The following MRC1 variants were observed in gnomAD, a reference collection of about 807,000 sequenced individuals.
The protein encoded by MRC1 is macrophage mannose receptor 1.
A neutral mutation model predicts 102.9 loss-of-function variants in MRC1; 62 were observed. The observed-to-expected ratio is 0.60, with a 90% CI of 0.49 to 0.74. MRC1 has a LOEUF of 0.74. Ranked by LOEUF, MRC1 falls within the 30% of genes least tolerant of loss-of-function variation. The pLI is 0.00. For missense variants in MRC1, 1,237 were observed against 862.8 expected, an observed-to-expected ratio of 1.43 and a Z score of -5.43; for synonymous variants, 457 against 298.4, an observed-to-expected ratio of 1.53 and a Z score of -5.48.
At chr10:17,869,574 T>C (rs1244920009) in intron 12 of MRC1, among the ~76,000 whole-genome samples, 15 of 152,192 alleles carry the variant, frequency 9.9e-5, no homozygotes, top group Non-Finnish European at 4.4e-5. Flanking sequence ...TTGACTGCAT[T>C]TCACTATTCT....
intron 11 of MRC1, chr10:17,865,612 G>T (rs1229617843): frequency 6.6e-6 from 1 of 152,370 alleles, no homozygotes; most frequent in African/African-American, 2.4e-5. Flanking sequence ...AGGAGGAGTG[G>T]GCAAGGAGCC....
At chr10:17,904,563 G>A (rs1344469922) in intron 26 of MRC1, among the ~76,000 whole-genome samples, 1 of 152,204 alleles carries the variant, frequency 6.6e-6, no homozygotes, top group African/African-American at 2.4e-5. Context: ...TTATCGTGAT[G>A]TGTATACATG....
At chr10:17,857,115 T>C (rs1833104069) in intron 9 of MRC1, among the ~76,000 whole-genome samples, 1 of 152,214 alleles carries the variant, frequency 6.6e-6, no homozygotes, top group Non-Finnish European at 1.5e-5. Flanking sequence ...AGCTGATAAT[T>C]TGGTACTATA....
At chr10:17,898,574 A>T (rs1833786607) in intron 24 of MRC1, among the ~76,000 whole-genome samples, 1 of 152,204 alleles carries the variant, frequency 6.6e-6, no homozygotes, top group Admixed American at 6.5e-5. Context: ...TATTGCTTCC[A>T]AGGTCATGAT....
chr10:17,868,666 G>A lies in MRC1; in HGVS notation c.1984-1580G>A, dbSNP rs1833313273. 3.3e-5 allele frequency among the ~76,000 whole-genome samples: 5 copies of A among 152,278 alleles called. 1 individual carries two copies. The South Asian group carries it at 1.0e-3, about 32-fold the overall frequency. ...TTTGAATGGCATATGGCCATGACAT[G>A]CCCTGTAAGACAGTTTGGCAAGACT... On this transcript the variant is annotated intron_variant, in intron 12 of 29. Coordinates refer to ENST00000569591, the MANE Select transcript of MRC1 (RefSeq NM_002438.4).
rs1240022155 is a variant in MRC1, at chr10:17,891,674, G to T, written c.3148-2536G>T. On this transcript the variant is annotated intron_variant, in intron 22 of 29. Coordinates refer to ENST00000569591, the MANE Select transcript of MRC1 (RefSeq NM_002438.4). ...GAGGTAAATAGACATTTAGTGTGAG[G>T]TTTCATGTTTACTTAGCTACGAATT... Among the ~76,000 whole-genome samples the T allele has an allele frequency of 2.6e-5, 4 of 152,296 alleles. No homozygotes were observed. In the East Asian group the frequency reaches 5.8e-4, roughly 22 times the overall value.
intron 16 of MRC1, among the ~76,000 whole-genome samples, chr10:17,874,740 T>C (rs1180709534): frequency 6.6e-6 from 1 of 152,104 alleles, no homozygotes; most frequent in Non-Finnish European, 1.5e-5. Context: ...TTTCTCATAG[T>C]TCCCACTCCT....
intron 4 of MRC1, among the ~76,000 whole-genome samples, chr10:17,840,197 G>T (rs1262759201): frequency 1.3e-5 from 2 of 151,850 alleles, no homozygotes; most frequent in Non-Finnish European, 2.9e-5. Flanking sequence ...TTGTATTTTT[G>T]ATTTCTTCAC....
intron 8 of MRC1, among the ~76,000 whole-genome samples, chr10:17,855,606 A>C (rs949301292): frequency 1.4e-5 from 2 of 144,834 alleles, no homozygotes; most frequent in Admixed American, 6.9e-5. Flanking sequence ...AAGAGGCTGC[A>C]TGCAAACCTC....
chr10:17,873,705 GA>G, intron 15 of MRC1, 78 bp from the exon 16 acceptor site: 6 of 836,674 alleles, frequency 7.2e-6, no homozygotes, highest in Non-Finnish European at 1.3e-5. Flanking sequence ...ATTGACTCAT[GA>G]AAATAGTGAC....
intron 1 of MRC1, among the ~76,000 whole-genome samples, chr10:17,820,504 G>A (rs944399126): frequency 0.082 from 12,429 of 152,144 alleles, 546 homozygotes; most frequent in South Asian, 0.12. Context: ...ATTTTTGAAC[G>A]CCTTCTCTTA....
intron 21 of MRC1, among the ~76,000 whole-genome samples, chr10:17,882,388 ATGGCTGGTATGT>A (rs1833532865): frequency 1.3e-5 from 2 of 151,948 alleles, no homozygotes; most frequent in South Asian, 2.1e-4. Flanking sequence ...TTACAGAACA[ATGGCTGGTATGT>A]TGGCTGGTAT....
chr10:17,841,602 T>C (rs889216902), intron 5 of MRC1, among the ~76,000 whole-genome samples: 1 of 152,290 alleles, frequency 6.6e-6, no homozygotes, highest in South Asian at 2.1e-4. Flanking sequence ...AGTTTACATA[T>C]TGAGCAACTA....
At chr10:17,902,424 C>T (rs1833840840) in intron 26 of MRC1, among the ~76,000 whole-genome samples, 1 of 127,512 alleles carries the variant, frequency 7.8e-6, no homozygotes, top group South Asian at 2.5e-4. Context: ...GTTGTACTCA[C>T]CTCTTATCAC....
intron 21 of MRC1, among the ~76,000 whole-genome samples, chr10:17,882,406 G>T (rs1448658662): frequency 2.0e-5 from 3 of 151,738 alleles, no homozygotes; most frequent in African/African-American, 7.3e-5. Context: ...TATGTTGGCT[G>T]GTATGTAGTA....
intron 2 of MRC1, among the ~76,000 whole-genome samples, 131 bp from the exon 3 acceptor site, chr10:17,827,388 AAAAAAAAAAAAAAAAAAAAAAAG>A (rs1838495146): frequency 1.6e-5 from 1 of 61,086 alleles, no homozygotes; most frequent in Non-Finnish European, 3.3e-5. Context: ...AAAAAAAAAA[AAAAAAAAAAAAAAAAAAAAAAAG>A]AAATCCCTCT....
chr10:17,816,998 A>C (rs1331264932), intron 1 of MRC1, among the ~76,000 whole-genome samples: 1 of 152,086 alleles, frequency 6.6e-6, no homozygotes, highest in African/African-American at 2.4e-5. Context: ...CTGTAATCCC[A>C]GCACTTTGGG....
At chr10:17,832,276 G>T (rs1231346945) in intron 3 of MRC1, among the ~76,000 whole-genome samples, 1 of 151,430 alleles carries the variant, frequency 6.6e-6, no homozygotes. Context: ...AGGAATTTGG[G>T]CTGGTATCCG....
rs782630448 is a variant in MRC1, at chr10:17,866,545, T to G, written c.1784-17T>G. The G allele has an allele frequency of 2.6e-6, 2 of 780,698 alleles. No individual in the cohort carries two copies. Among genetic ancestry groups the G allele is most frequent in the Non-Finnish European group, 4.8e-6 (2 of 417,958 alleles). 48.4% of individuals were successfully genotyped at this position (780,698 alleles called of 1,614,324 possible). A position where few individuals can be genotyped will look rare whatever the true frequency, so the allele number is the denominator to read the frequency against. ...AGGCACCTGTCAAGTGAATTCTACTTCATATATTTAATGCAGGGCGAAAGC... is the reference window on the plus strand; with the variant it reads ...AGGCACCTGTCAAGTGAATTCTACTGCATATATTTAATGCAGGGCGAAAGC... On this transcript the variant is annotated splice_polypyrimidine_tract_variant and intron_variant, in intron 11 of 29. Coordinates refer to ENST00000569591, the MANE Select transcript of MRC1 (RefSeq NM_002438.4).
Sources: gnomAD v4.1 joint callset for allele counts (sites outside exome capture counted in the v4.1 genomes callset) on GRCh38, gnomAD v4.1.1 for gene constraint, MANE v1.5 for transcripts, NCBI Gene and HGNC (gene_info 2026-07-23, HGNC 2026-07-21) for gene names.